Variants in ZNF577 observed in about 807,000 individuals in gnomAD.
The protein encoded by ZNF577 is zinc finger protein 577.
A neutral mutation model predicts 13.9 loss-of-function variants in ZNF577; 14 were observed. The observed-to-expected ratio is 1.00, with a 90% CI of 0.66 to 1.57. The LOEUF (loss-of-function observed/expected upper bound fraction) is 1.57, where lower values mean the gene tolerates loss of function less well. Ranked by LOEUF, ZNF577 falls within the 40% of genes most tolerant of loss-of-function variation. The probability of loss-of-function intolerance (pLI) is 0.00; values close to 1 mark genes in which losing one functional copy is unlikely to be tolerated. For synonymous variants in ZNF577, 203 were observed against 202.9 expected, an observed-to-expected ratio of 1.00 and a Z score of 0.00; for missense variants, 555 against 579.2, an observed-to-expected ratio of 0.96 and a Z score of 0.43.
intron 5 of ZNF577, among the ~76,000 whole-genome samples, chr19:51,876,483 G>T (rs1016506902): frequency 2.0e-5 from 3 of 152,010 alleles, no homozygotes; most frequent in African/African-American, 7.2e-5. Flanking sequence ...TGGAAAGGCG[G>T]GGAGCAGTGG....
intron 5 of ZNF577, among the ~76,000 whole-genome samples, chr19:51,858,611 TG>T (rs2084463302): frequency 6.6e-6 from 1 of 152,252 alleles, no homozygotes; most frequent in African/African-American, 2.4e-5. Context: ...AGCAAGATTT[TG>T]CTGGTACATT....
At chr19:51,815,062 G>A (rs868402541) in intron 9 of ZNF577, among the ~76,000 whole-genome samples, 3 of 152,084 alleles carry the variant, frequency 2.0e-5, no homozygotes, top group African/African-American at 7.2e-5. Context: ...CGCCCACCTC[G>A]GCCTCCCAAA....
At chr19:51,857,292 C>G (rs2084433986) in intron 5 of ZNF577, among the ~76,000 whole-genome samples, 1 of 142,638 alleles carries the variant, frequency 7.0e-6, no homozygotes, top group Non-Finnish European at 1.5e-5. Context: ...AGCGAGACTC[C>G]ATCAAAAAAG....
rs1367498483 is a variant in ZNF577 at position 51,882,358 on chromosome 19, A to G, written c.-218-1481T>C. ...GATACCACCCTGACTGGTAAGGATA[A>G]TCTGGATTTCCTACTGAACTGAGGT... is the stretch of plus-strand genomic sequence containing the variant. On this transcript the variant is annotated intron_variant, in intron 1 of 5. Coordinates refer to ENST00000638348, the MANE Select transcript of ZNF577 (RefSeq NM_001370449.1). Among the ~76,000 whole-genome samples the G allele has an allele frequency of 2.0e-5, 3 of 152,158 alleles. No homozygotes were observed. In the East Asian group the frequency reaches 5.8e-4, roughly 29 times the overall value.
At chr19:51,820,118 G>C (rs1599839954) in intron 9 of ZNF577, among the ~76,000 whole-genome samples, 1 of 152,210 alleles carries the variant, frequency 6.6e-6, no homozygotes, top group South Asian at 2.1e-4. Flanking sequence ...GCTGAGAGTG[G>C]AATAGTAGAG....
chr19:51,885,373 C>G (rs948810337), intron 1 of ZNF577, among the ~76,000 whole-genome samples: 1 of 152,130 alleles, frequency 6.6e-6, no homozygotes, highest in African/African-American at 2.4e-5. Flanking sequence ...AATCTATACC[C>G]TTTTAGCTTT....
rs889310079 is a variant in ZNF577 at position 51,837,518 on chromosome 19, C to T, written c.*599+2375G>A. ...TTAAGCCCAAGTAACCATACAGGAT[C>T]CATCCCAAAAGACTGGCTCTTTCAA... is the stretch of plus-strand genomic sequence containing the variant. On this transcript the variant is annotated intron_variant and NMD_transcript_variant, in intron 9 of 10. Transcript: ENST00000638827. 5.9e-5 allele frequency among the ~76,000 whole-genome samples: 9 copies of T among 152,294 alleles called. No individual in the cohort carries two copies. In the East Asian group the frequency reaches 1.7e-3, roughly 29 times the overall value.
At chr19:51,805,506 G>A (rs533804931) in intron 10 of ZNF577, among the ~76,000 whole-genome samples, 2 of 152,150 alleles carry the variant, frequency 1.3e-5, no homozygotes, top group African/African-American at 2.4e-5. Flanking sequence ...AAGGTCCCAC[G>A]GATACTCACT....
intron 1 of ZNF577, among the ~76,000 whole-genome samples, chr19:51,881,192 G>T (rs184698244): frequency 1.3e-5 from 2 of 152,298 alleles, no homozygotes; most frequent in East Asian, 3.9e-4. Context: ...GAAGGAAGTG[G>T]TAAAGCCAGA....
intron 6 of ZNF577, among the ~76,000 whole-genome samples, chr19:51,843,805 G>T (rs10153489): frequency 0.071 from 10,794 of 152,236 alleles, 598 homozygotes; most frequent in South Asian, 0.23. Flanking sequence ...TAATTGTTCT[G>T]AAGAGGTAGA....
At chr19:51,880,087 G>A (rs1016203664) in intron 3 of ZNF577, among the ~76,000 whole-genome samples, 1 of 152,124 alleles carries the variant, frequency 6.6e-6, no homozygotes, top group Non-Finnish European at 1.5e-5. Context: ...TTTATCACTG[G>A]GCAAAGTCAG....
chr19:51,842,244 T>C (rs1001211360), intron 8 of ZNF577, among the ~76,000 whole-genome samples: 3 of 152,094 alleles, frequency 2.0e-5, no homozygotes, highest in African/African-American at 4.8e-5. Flanking sequence ...GAGTCATACA[T>C]AGAAATATAG....
Position 51,857,979 on chromosome 19 carries a change from C to A in ZNF577, c.284-13048G>T, listed in dbSNP as rs1479202053. 3.3e-5 allele frequency among the ~76,000 whole-genome samples: 5 copies of A among 152,170 alleles called. No individual in the cohort carries two copies. In the East Asian group the frequency reaches 9.7e-4, roughly 29 times the overall value. On this transcript the variant is annotated intron_variant and NMD_transcript_variant, in intron 5 of 10. Coordinates refer to the ZNF577 transcript ENST00000638827. Reference sequence around the variant, plus strand: ...TACAGGTGCGGGCCATTGTGTCTGGCCTGCTTTTAGTCTTTGAGCTTTACA... The same window carrying A: ...TACAGGTGCGGGCCATTGTGTCTGGACTGCTTTTAGTCTTTGAGCTTTACA...
chr19:51,830,331 C>T (rs2084255713), intron 9 of ZNF577, among the ~76,000 whole-genome samples: 2 of 152,182 alleles, frequency 1.3e-5, no homozygotes, highest in African/African-American at 2.4e-5. Context: ...CCACACGCGT[C>T]CTCCTGAACT....
At chr19:51,817,515 TG>T (rs1402387017) in intron 9 of ZNF577, among the ~76,000 whole-genome samples, 112 of 127,780 alleles carry the variant, frequency 8.8e-4, no homozygotes, top group African/African-American at 2.9e-3. Context: ...CAATCTGTTT[TG>T]TTTTTTTTTT....
chr19:51,875,503 G>C (rs1014860370), intron 5 of ZNF577, among the ~76,000 whole-genome samples: 1 of 152,158 alleles, frequency 6.6e-6, no homozygotes, highest in Non-Finnish European at 1.5e-5. Context: ...CAAATGCACA[G>C]ATGTCAGTCC....
At chr19:51,829,623 G>C (rs565121343) in intron 9 of ZNF577, among the ~76,000 whole-genome samples, 1 of 152,120 alleles carries the variant, frequency 6.6e-6, no homozygotes, top group Admixed American at 6.5e-5. Context: ...ACTGATGAGA[G>C]AGCCACAGGA....
At chr19:51,815,722 G>A (rs965446408) in intron 9 of ZNF577, among the ~76,000 whole-genome samples, 38 of 151,714 alleles carry the variant, frequency 2.5e-4, no homozygotes, top group African/African-American at 7.5e-4. Flanking sequence ...TTAGTCAGGC[G>A]TGGTATCTCA....
Position 51,873,539 on chromosome 19 carries a change from T to C in ZNF577, c.451A>G (p.Ile151Val). The change falls in exon 6 of 6, where the codon ATT (isoleucine) becomes GTT (valine). Residue 151 changes from isoleucine to valine, a missense_variant. Transcript: ENST00000638348. ...PKSQLNDLQK[I>V]CAGGKPHECS... ...TCATGTGGTTTCCCTCCTGCACAAATTTTTTGTAGGTCATTGAGCTGTGAT... is the reference window on the plus strand; with the variant it reads ...TCATGTGGTTTCCCTCCTGCACAAACTTTTTGTAGGTCATTGAGCTGTGAT... The C allele has an allele frequency of 6.2e-7, 1 of 1,614,214 alleles. No homozygotes were observed. Among genetic ancestry groups the C allele is most frequent in the Non-Finnish European group, 8.5e-7 (1 of 1,180,034 alleles).
Sources: allele counts gnomAD v4.1 joint callset (sites outside exome capture counted in the v4.1 genomes callset), GRCh38; gene constraint gnomAD v4.1.1; transcripts MANE v1.5; gene names NCBI Gene and HGNC (gene_info 2026-07-23, HGNC 2026-07-21).